NEGR1: variants seen among roughly 807,000 people sequenced by gnomAD.
NEGR1 encodes the protein neuronal growth regulator 1, also known as IgLON family member 4.
Under a neutral mutation model 40.9 loss-of-function variants are expected in NEGR1, and 10 were observed. The ratio of observed to expected loss-of-function variants is 0.24; its 90% confidence interval spans 0.15 to 0.42. The LOEUF is 0.42. Ranked by LOEUF, NEGR1 falls within the 10% of genes least tolerant of loss-of-function variation. NEGR1 has a pLI of 1.00. For synonymous variants in NEGR1, 185 were observed against 166.8 expected (o/e 1.11, Z -0.84); for missense variants, 352 against 438.9 (o/e 0.80, Z 1.77).
intron 1 of NEGR1, among the ~76,000 whole-genome samples, chr1:71,991,647 A>G (rs910050258): frequency 8.6e-5 from 13 of 151,638 alleles, no homozygotes; most frequent in African/African-American, 2.4e-4. Flanking sequence ...TCTAACTGAT[A>G]TCTGCTTACC....
intron 1 of NEGR1, among the ~76,000 whole-genome samples, chr1:72,116,505 T>C (rs1313195171): frequency 2.0e-5 from 3 of 151,724 alleles, no homozygotes; most frequent in Non-Finnish European, 2.9e-5. Context: ...CATTAGTGCA[T>C]TGTTCTATCT....
At chr1:72,010,287 C>T (rs1000503164) in intron 1 of NEGR1, among the ~76,000 whole-genome samples, 3 of 151,940 alleles carry the variant, frequency 2.0e-5, no homozygotes, top group African/African-American at 7.2e-5. Context: ...TCAGAGGCAG[C>T]TCGAGACAGC....
At chr1:71,563,527 A>G (rs1648525612) in intron 6 of NEGR1, among the ~76,000 whole-genome samples, 1 of 151,988 alleles carries the variant, frequency 6.6e-6, no homozygotes, top group Admixed American at 6.6e-5. Context: ...ATCATCTATT[A>G]TTGACTGAAA....
rs896108845 is a variant in NEGR1 at position 71,847,119 on chromosome 1, G to T, written c.410-70822C>A. On this transcript the variant is annotated intron_variant, in intron 2 of 6. Coordinates refer to ENST00000357731, the MANE Select transcript of NEGR1 (RefSeq NM_173808.3). ...CAGTATAGACCATTTGACTCAAGTT[G>T]GCTTTGGATATCAAGTCAGAAGCAC... Among the ~76,000 whole-genome samples the T allele has an allele frequency of 5.3e-5, 8 of 152,180 alleles. No individual in the cohort carries two copies. In the South Asian group the frequency reaches 1.7e-3, roughly 32 times the overall value.
chr1:71,422,367 T>G (rs1037238278), intron 6 of NEGR1: 3 of 152,238 alleles, frequency 2.0e-5, no homozygotes, highest in African/African-American at 7.2e-5. Flanking sequence ...GAAAGCTGCA[T>G]TCAAATTTGT....
At position 72,206,386 on chromosome 1, in the gene NEGR1, C is replaced by T. The variant is rs547103736; in HGVS notation, c.176+75933G>A. ...AGCAAACTTGAATATCCAAGAAATACCATGCCCTAAAGTTCATTGTAAGTA... is the reference window on the plus strand; with the variant it reads ...AGCAAACTTGAATATCCAAGAAATATCATGCCCTAAAGTTCATTGTAAGTA... On this transcript the variant is annotated intron_variant, in intron 1 of 6. Transcript: ENST00000357731. Among the ~76,000 whole-genome samples, 238 of 152,140 alleles carry T rather than the reference C, an allele frequency of 1.6e-3. 1 individual carries two copies. The highest frequency in any genetic ancestry group is 2.9e-3 in the Non-Finnish European group (195 of 67,974).
chr1:71,940,963 A>G (rs184835450), intron 1 of NEGR1, among the ~76,000 whole-genome samples: 13 of 152,318 alleles, frequency 8.5e-5, no homozygotes, highest in Admixed American at 5.2e-4. Context: ...ATTCAGCTGT[A>G]TGGAGAAAGA....
At position 71,841,326 on chromosome 1, in the gene NEGR1, A is replaced by G. The variant is rs145514633; in HGVS notation, c.410-65029T>C. Among the ~76,000 whole-genome samples the G allele has an allele frequency of 3.9e-5, 6 of 152,292 alleles. No individual in the cohort carries two copies. In the East Asian group the frequency reaches 1.2e-3, roughly 29 times the overall value. ...AGGTCTCCTAGGCATGGGAAAATAT[A>G]GTTACTTGCTATAATTCCAGTATTC... On this transcript the variant is annotated intron_variant, in intron 2 of 6. Transcript: ENST00000357731.
At chr1:71,865,567 C>T (rs890774269) in intron 2 of NEGR1, among the ~76,000 whole-genome samples, 1 of 151,934 alleles carries the variant, frequency 6.6e-6, no homozygotes, top group African/African-American at 2.4e-5. Flanking sequence ...CACATGGACA[C>T]AGGGAGGGGA....
At chr1:71,438,936 G>A (rs1424463962) in intron 6 of NEGR1, among the ~76,000 whole-genome samples, 1 of 152,110 alleles carries the variant, frequency 6.6e-6, no homozygotes, top group Non-Finnish European at 1.5e-5. Context: ...GGCACATGTG[G>A]ACAGGTGCTT....
intron 1 of NEGR1, among the ~76,000 whole-genome samples, chr1:72,039,881 C>A (rs1031442928): frequency 6.6e-6 from 1 of 151,864 alleles, no homozygotes; most frequent in Non-Finnish European, 1.5e-5. Flanking sequence ...TTTTGGCAAT[C>A]TATTTGAGAA....
intron 6 of NEGR1, among the ~76,000 whole-genome samples, chr1:71,551,398 C>T (rs560585877): frequency 6.6e-6 from 1 of 151,626 alleles, no homozygotes; most frequent in East Asian, 2.0e-4. Context: ...CATACATGTA[C>T]ATATACACAC....
intron 1 of NEGR1, among the ~76,000 whole-genome samples, chr1:72,065,564 G>A (rs1464792933): frequency 1.3e-5 from 2 of 152,098 alleles, no homozygotes; most frequent in Non-Finnish European, 2.9e-5. Context: ...GTGTGGAAAA[G>A]TAGGAGAAAG....
rs1017850017 is a variant in NEGR1, at chr1:71,569,997, C to T, written c.940+22820G>A. ...ACAAGGTTCTAGCTTCATTTTGCCA[C>T]TAACTAGTTTTATGACTGTCATCTA... On this transcript the variant is annotated intron_variant, in intron 6 of 6. Coordinates refer to ENST00000357731, the MANE Select transcript of NEGR1 (RefSeq NM_173808.3). 3.3e-5 allele frequency among the ~76,000 whole-genome samples: 5 copies of T among 152,032 alleles called. No individual in the cohort carries two copies. The East Asian group carries it at 9.6e-4, about 29-fold the overall frequency.
intron 1 of NEGR1, among the ~76,000 whole-genome samples, chr1:72,249,802 T>G (rs1004581180): frequency 9.8e-5 from 15 of 152,290 alleles, no homozygotes; most frequent in African/African-American, 3.6e-4. Flanking sequence ...ATAATACACA[T>G]ATTGCCTGGA....
intron 1 of NEGR1, among the ~76,000 whole-genome samples, chr1:72,179,798 A>T (rs182949595): frequency 3.3e-5 from 5 of 151,794 alleles, no homozygotes; most frequent in African/African-American, 9.7e-5. Context: ...ACAATAGCTT[A>T]AAAAAAACCC....
intron 6 of NEGR1, among the ~76,000 whole-genome samples, chr1:71,452,272 T>C (rs1170027945): frequency 6.6e-6 from 1 of 152,236 alleles, no homozygotes; most frequent in African/African-American, 2.4e-5. Flanking sequence ...CTCAATGATA[T>C]CACTACACAT....
intron 1 of NEGR1, among the ~76,000 whole-genome samples, chr1:72,091,957 T>C (rs1228068167): frequency 6.6e-6 from 1 of 152,146 alleles, no homozygotes; most frequent in Non-Finnish European, 1.5e-5. Flanking sequence ...CAGGGCCCTA[T>C]TCTTTTGACC....
intron 1 of NEGR1, among the ~76,000 whole-genome samples, chr1:71,938,743 T>C (rs1014446786): frequency 6.6e-6 from 1 of 152,040 alleles, no homozygotes; most frequent in Non-Finnish European, 1.5e-5. Context: ...CCAAACAGAA[T>C]TTATAATTTA....
Sources: allele counts gnomAD v4.1 joint callset (sites outside exome capture counted in the v4.1 genomes callset), GRCh38; gene constraint gnomAD v4.1.1; transcripts MANE v1.5; gene names NCBI Gene and HGNC (gene_info 2026-07-23, HGNC 2026-07-21).